Variants in CR1 observed in about 807,000 individuals in gnomAD.
CR1 encodes complement receptor type 1.
CR1 carries 116 observed loss-of-function variants against 187.3 expected under a neutral mutation model. That is an observed-to-expected ratio of 0.62 (90% confidence interval 0.53 to 0.72). The LOEUF is 0.72. Among genes scored for constraint, CR1 ranks in the 30% least tolerant of loss-of-function variants. CR1 has a pLI of 0.00. For synonymous variants in CR1, 576 were observed against 747.1 expected (o/e 0.77, Z 3.73); for missense variants, 1,731 against 2,110.7 (o/e 0.82, Z 3.52).
intron 35 of CR1, among the ~76,000 whole-genome samples, chr1:207,601,853 T>C (rs907685038): frequency 2.0e-5 from 3 of 152,136 alleles, no homozygotes; most frequent in Admixed American, 2.0e-4. Context: ...TTTTCTATCA[T>C]TCTGTGGGTT....
chr1:207,524,615 T>G (rs1308146759), intron 5 of CR1, among the ~76,000 whole-genome samples: 2 of 151,996 alleles, frequency 1.3e-5, no homozygotes, highest in Non-Finnish European at 2.9e-5. Flanking sequence ...CTCGAACTCC[T>G]CAGCTCAAGC....
chr1:207,496,593 G>A (rs1250143061), intron 1 of CR1, among the ~76,000 whole-genome samples: 1 of 152,216 alleles, frequency 6.6e-6, no homozygotes, highest in African/African-American at 2.4e-5. Context: ...TTCTGGGTAA[G>A]CGTGGAGTTC....
In CR1 at chr1:207,635,285, T is replaced by C. The variant is rs530483851; in HGVS notation, c.7458-4112T>C. On this transcript the variant is annotated intron_variant, in intron 46 of 46. Coordinates refer to ENST00000367049, the MANE Select transcript of CR1 (RefSeq NM_000651.6). ...GGCCTCTGAGTTCCCTTAGTATTTA[T>C]TGATCATTAATGGGTGTTTCTCGGA... 1.6e-4 allele frequency among the ~76,000 whole-genome samples: 25 copies of C among 152,146 alleles called. No homozygotes were observed. In the South Asian group the frequency reaches 5.2e-3, roughly 32 times the overall value.
intron 5 of CR1, among the ~76,000 whole-genome samples, chr1:207,525,899 A>G (rs2102310564): frequency 6.6e-6 from 1 of 152,196 alleles, no homozygotes; most frequent in African/African-American, 2.4e-5. Flanking sequence ...CCCCCATTTG[A>G]TGCTTGAGAA....
At chr1:207,620,994 C>A (rs1161331594) in intron 43 of CR1, among the ~76,000 whole-genome samples, 1 of 152,116 alleles carries the variant, frequency 6.6e-6, no homozygotes, top group Non-Finnish European at 1.5e-5. Context: ...AATAAAGGGG[C>A]CAGGTATGGT....
intron 27 of CR1, among the ~76,000 whole-genome samples, chr1:207,572,556 A>G (rs1048869845): frequency 4.6e-5 from 7 of 151,904 alleles, no homozygotes; most frequent in African/African-American, 1.7e-4. Context: ...TAGTATAAAC[A>G]CAACTTTTAG....
intron 40 of CR1, among the ~76,000 whole-genome samples, chr1:207,615,072 G>C (rs1046894844): frequency 6.6e-6 from 1 of 152,126 alleles, no homozygotes; most frequent in African/African-American, 2.4e-5. Context: ...GCCTCCAAAA[G>C]TGTTAGGATT....
chr1:207,585,139 T>C (rs1210996491), intron 33 of CR1, among the ~76,000 whole-genome samples: 2 of 152,022 alleles, frequency 1.3e-5, no homozygotes, highest in African/African-American at 4.8e-5. Flanking sequence ...GGGAAGGCAG[T>C]AAGGCACAGT....
chr1:207,623,580 A>C (rs1262077593), intron 45 of CR1, among the ~76,000 whole-genome samples: 1 of 143,712 alleles, frequency 7.0e-6, no homozygotes. Flanking sequence ...GTGAGACTAC[A>C]TCTCAAAACA....
intron 35 of CR1, among the ~76,000 whole-genome samples, chr1:207,597,944 T>C (rs1178751644): frequency 1.3e-5 from 2 of 152,236 alleles, no homozygotes; most frequent in Admixed American, 1.3e-4. Flanking sequence ...TGATACATGC[T>C]ACAAGATGCA....
intron 46 of CR1, among the ~76,000 whole-genome samples, chr1:207,635,666 G>A (rs1347619726): frequency 6.6e-6 from 1 of 152,166 alleles, no homozygotes; most frequent in Non-Finnish European, 1.5e-5. Context: ...CTTTACGGGT[G>A]TCAGGCTGGG....
At chr1:207,620,953 C>G (rs1381516584) in intron 43 of CR1, among the ~76,000 whole-genome samples, 2 of 152,108 alleles carry the variant, frequency 1.3e-5, no homozygotes, top group Non-Finnish European at 2.9e-5. Context: ...AAGAGACATA[C>G]AAATAAGTGG....
intron 35 of CR1, among the ~76,000 whole-genome samples, chr1:207,597,949 G>T (rs528126051): frequency 1.3e-5 from 2 of 152,266 alleles, no homozygotes; most frequent in Non-Finnish European, 2.9e-5. Flanking sequence ...CATGCTACAA[G>T]ATGCATAAAC....
intron 46 of CR1, among the ~76,000 whole-genome samples, chr1:207,635,323 G>T (rs1662779953): frequency 6.6e-6 from 1 of 152,136 alleles, no homozygotes; most frequent in Admixed American, 6.5e-5. Flanking sequence ...GGGGGATGTG[G>T]CAGGGTCATA....
intron 4 of CR1, among the ~76,000 whole-genome samples, chr1:207,513,248 G>A (rs1659677803): frequency 6.6e-6 from 1 of 152,144 alleles, no homozygotes. Flanking sequence ...GCTCAAATAT[G>A]CATTACAAGA....
intron 28 of CR1, among the ~76,000 whole-genome samples, chr1:207,576,468 T>C (rs190095031): frequency 1.3e-5 from 2 of 152,208 alleles, no homozygotes; most frequent in African/African-American, 4.8e-5. Context: ...ATATTGTATA[T>C]TTGTGCTTTG....
chr1:207,611,812 C>A lies in CR1; in HGVS notation c.6431C>A (p.Thr2144Lys), dbSNP rs370389622. 1 of 1,614,006 alleles carries A rather than the reference C, an allele frequency of 6.2e-7. No homozygotes were observed. The highest frequency in any genetic ancestry group is 8.5e-7 in the Non-Finnish European group (1 of 1,179,900). Residue 2144 changes from threonine (T) to lysine (K), a missense_variant, in exon 38 of 47, where the codon ACG (threonine) becomes AAG (lysine). Coordinates refer to ENST00000367049, the MANE Select transcript of CR1 (RefSeq NM_000651.6). ...AGAGGGGCTGCGTCTCTGCACTGCA[C>A]GCCCCAGGGAGACTGGAGCCCTGAA... ...DLRGAASLHCTPQGDWSPEAP... is the reference protein window; with the variant it reads ...DLRGAASLHCKPQGDWSPEAP...
At chr1:207,583,291 A>G (rs1661016666) in intron 32 of CR1, among the ~76,000 whole-genome samples, 1 of 152,218 alleles carries the variant, frequency 6.6e-6, no homozygotes, top group South Asian at 2.1e-4. Context: ...AGAACAGAAA[A>G]TTGATCTTTG....
chr1:207,611,906 G>A, intron 38 of CR1, 33 bp from the exon 39 acceptor site: 1 of 1,613,924 alleles, frequency 6.2e-7, no homozygotes, highest in Non-Finnish European at 8.5e-7. Flanking sequence ...TCACATGGAG[G>A]ACTTACTCCT....
Sources: gnomAD v4.1 joint callset for allele counts (sites outside exome capture counted in the v4.1 genomes callset) on GRCh38, gnomAD v4.1.1 for gene constraint, MANE v1.5 for transcripts, NCBI Gene and HGNC (gene_info 2026-07-23, HGNC 2026-07-21) for gene names.